Variants in AGBL5 observed in about 807,000 individuals in gnomAD.
AGBL5 encodes cytosolic carboxypeptidase-like protein 5.
AGBL5 carries 51 observed loss-of-function variants against 88.0 expected under a neutral mutation model. The ratio of observed to expected loss-of-function variants is 0.58; its 90% CI spans 0.46 to 0.73. The LOEUF (loss-of-function observed/expected upper bound fraction) is 0.73. Ranked by LOEUF, AGBL5 falls within the 30% of genes least tolerant of loss-of-function variation. AGBL5 has a pLI of 0.00. For missense variants in AGBL5, 1,031 were observed against 1,162.2 expected (o/e 0.89, Z 1.64); for synonymous variants, 446 against 438.8 (o/e 1.02, Z -0.21).
chr2:27,065,940 A>G (rs1005184432), intron 11 of AGBL5, among the ~76,000 whole-genome samples: 1 of 152,216 alleles, frequency 6.6e-6, no homozygotes, highest in African/African-American at 2.4e-5. Context: ...TTGAATGTGT[A>G]GTGTTCAAAA....
intron 11 of AGBL5, among the ~76,000 whole-genome samples, chr2:27,064,723 T>A (rs1275437861): frequency 7.1e-6 from 1 of 141,038 alleles, no homozygotes; most frequent in African/African-American, 2.7e-5. Context: ...TTCCATTCAA[T>A]TTTTTTTTTT....
intron 10 of AGBL5, 105 bp downstream of exon 10, chr2:27,058,707 C>A: frequency 8.4e-7 from 1 of 1,195,828 alleles, no homozygotes; most frequent in South Asian, 1.3e-5. Flanking sequence ...CTCAAAGTGC[C>A]AAATGGCAAA....
chr2:27,058,163 G>A (rs910097833), intron 9 of AGBL5, among the ~76,000 whole-genome samples: 1 of 152,164 alleles, frequency 6.6e-6, no homozygotes, highest in African/African-American at 2.4e-5. Context: ...GCACCAGCCA[G>A]AAAGAAAGGA....
intron 9 of AGBL5, 75 bp downstream of exon 9, chr2:27,057,513 C>T: frequency 6.8e-7 from 1 of 1,480,832 alleles, no homozygotes; most frequent in Non-Finnish European, 9.1e-7. Flanking sequence ...TAGTGCCTGA[C>T]TCTAAGGTCC....
In AGBL5 at chr2:27,053,944, G is replaced by A. The variant is rs1668303054; in HGVS notation, c.436G>A (p.Gly146Ser). Residue 146 changes from glycine (G) to serine (S), a missense_variant, in exon 4 of 15, where the codon GGC (glycine) becomes AGC (serine). Physicochemically the swap from Gly to Ser is moderately conservative, Grantham distance 56. Coordinates refer to ENST00000360131, the MANE Select transcript of AGBL5 (RefSeq NM_021831.6). This position sits in a 1 kb window ranked among gnomAD's most constrained non-coding sequence, Gnocchi z 4.9. ...VLSFVHRFVEGRGATTFFAFC... is the reference protein window; with the variant it reads ...VLSFVHRFVESRGATTFFAFC... ...ATCCTTTGTTCATCGTTTCGTGGAGGGCCGTGGGGCCACCACCTTCTTCGC... is the reference window on the plus strand; with the variant it reads ...ATCCTTTGTTCATCGTTTCGTGGAGAGCCGTGGGGCCACCACCTTCTTCGC... 1.2e-6 allele frequency: 2 copies of A among 1,614,006 alleles called. No homozygotes were observed. Among genetic ancestry groups the A allele is most frequent in the Admixed American group, 1.7e-5 (1 of 59,986 alleles).
intron 8 of AGBL5, 136 bp from the exon 9 acceptor site, chr2:27,057,167 C>A: frequency 1.0e-6 from 1 of 982,532 alleles, no homozygotes; most frequent in Non-Finnish European, 1.5e-6. Flanking sequence ...CTGCTAGTTG[C>A]TATGGATTAT....
chr2:27,064,803 G>GGAGTGCAGT, intron 11 of AGBL5, among the ~76,000 whole-genome samples: 1 of 138,856 alleles, frequency 7.2e-6, no homozygotes, highest in South Asian at 2.3e-4. Flanking sequence ...CGCCCAGGCT[G>GGAGTGCAGT]GAGTGCAGTG....
chr2:27,052,285 C>G (rs1446438006), intron 1 of AGBL5: 1 of 152,364 alleles, frequency 6.6e-6, no homozygotes, highest in East Asian at 1.9e-4. Context: ...AGCCCAGTAG[C>G]CTTTGGCTTG....
At chr2:27,058,716 A>G in intron 10 of AGBL5, 114 bp downstream of exon 10, 1 of 1,136,708 alleles carries the variant, frequency 8.8e-7, no homozygotes, top group Non-Finnish European at 1.3e-6. Flanking sequence ...CCAAATGGCA[A>G]ATATCTTCAG....
chr2:27,069,514 C>A, intron 13 of AGBL5, 59 bp from the exon 14 acceptor site: 1 of 1,588,304 alleles, frequency 6.3e-7, no homozygotes. Flanking sequence ...TAGAAGCAAA[C>A]TAAAAGCAAA....
chr2:27,064,445 A>G (rs1668876382), intron 11 of AGBL5, among the ~76,000 whole-genome samples: 1 of 151,728 alleles, frequency 6.6e-6, no homozygotes, highest in Non-Finnish European at 1.5e-5. Flanking sequence ...ACAGGTGCAC[A>G]CCACCACACC....
chr2:27,057,202 T>C, intron 8 of AGBL5, 101 bp from the exon 9 acceptor site: 2 of 1,344,660 alleles, frequency 1.5e-6, no homozygotes, highest in South Asian at 1.4e-5. Flanking sequence ...GTGTTCACTT[T>C]TTTCCAAGTG....
rs371065936 is a variant in AGBL5, at chr2:27,054,089, C to T, written c.551+30C>T. 6.3e-6 allele frequency: 10 copies of T among 1,598,358 alleles called. No individual in the cohort carries two copies. In the African/African-American group the frequency reaches 1.1e-4, roughly 17 times the overall value. On this transcript the variant is annotated intron_variant, in intron 4 of 14. Coordinates refer to ENST00000360131, the MANE Select transcript of AGBL5 (RefSeq NM_021831.6). Reference sequence around the variant, plus strand: ...CAGCCCCATTCTTACTCCTGCCACACAGTCCTGGATCAGACAGCACCTCCA... The same window carrying T: ...CAGCCCCATTCTTACTCCTGCCACATAGTCCTGGATCAGACAGCACCTCCA...
intron 6 of AGBL5, 128 bp from the exon 7 acceptor site, chr2:27,055,554 C>A: frequency 1.1e-6 from 1 of 942,474 alleles, no homozygotes; most frequent in Non-Finnish European, 1.5e-6. Context: ...TCAATTCTTT[C>A]TTTCCTAACA....
At chr2:27,055,348 C>T in intron 6 of AGBL5, 95 bp downstream of exon 6, 1 of 1,483,626 alleles carries the variant, frequency 6.7e-7, no homozygotes, top group Non-Finnish European at 9.2e-7. Context: ...TTCTGTGTTC[C>T]CAGTCCTCTT....
At chr2:27,054,287 C>G (rs982058533) in intron 4 of AGBL5, 2 of 561,160 alleles carry the variant, frequency 3.6e-6, no homozygotes, top group Non-Finnish European at 6.1e-6. Flanking sequence ...GTTCAGACCT[C>G]TTACTAGCCC....
Position 27,053,071 on chromosome 2 carries a change from G to C in AGBL5, c.113G>C (p.Gly38Ala). 6.2e-7 allele frequency: 1 copy of C among 1,613,736 alleles called. No individual in the cohort carries two copies. The highest frequency in any genetic ancestry group is 8.5e-7 in the Non-Finnish European group (1 of 1,179,876). The change falls in exon 2 of 15, where the codon GGG becomes GCG. Residue 38 changes from glycine (G) to alanine (A), a missense_variant. Transcript: ENST00000360131. This position sits in a 1 kb window ranked among gnomAD's most constrained non-coding sequence, Gnocchi z 4.9. ...AGTGATGGGGAAGGGGTAGGAGGTG[G>C]GGCGTCAGCCCTGACCAGTGGCATT... ...LSSDGEGVGGGASALTSGIAS... is the reference protein window; with the variant it reads ...LSSDGEGVGGAASALTSGIAS...
At chr2:27,067,781 TGTATAGG>T in intron 12 of AGBL5, 135 bp downstream of exon 12, 3 of 971,282 alleles carry the variant, frequency 3.1e-6, no homozygotes, top group Non-Finnish European at 5.0e-6. Context: ...CTGGTGCCTT[TGTATAGG>T]AAGCTGGAAT....
At chr2:27,060,866 C>CAT (rs1169025326) in intron 11 of AGBL5, among the ~76,000 whole-genome samples, 3 of 152,150 alleles carry the variant, frequency 2.0e-5, no homozygotes, top group Non-Finnish European at 4.4e-5. Flanking sequence ...AAGATAATAT[C>CAT]ATATATATAA....
Sources: gnomAD v4.1 joint callset for allele counts (sites outside exome capture counted in the v4.1 genomes callset) on GRCh38, gnomAD v4.1.1 for gene constraint, Gnocchi (gnomAD v3.1) non-coding constraint, MANE v1.5 for transcripts, NCBI Gene and HGNC (gene_info 2026-07-23, HGNC 2026-07-21) for gene names.